Variants in COL4A3 observed in about 807,000 individuals in gnomAD.
The protein encoded by COL4A3 is collagen alpha-3(IV) chain.
A neutral mutation model predicts 217.4 loss-of-function variants in COL4A3; 135 were observed. That is an observed-to-expected ratio of 0.62 (90% CI 0.54 to 0.72). The LOEUF (loss-of-function observed/expected upper bound fraction) is 0.72, where lower values mean the gene tolerates loss of function less well. Ranked by LOEUF, COL4A3 falls within the 30% of genes least tolerant of loss-of-function variation. The pLI is 0.00. For synonymous variants in COL4A3, 690 were observed against 736.3 expected, an observed-to-expected ratio of 0.94 and a Z score of 1.02; for missense variants, 1,868 against 2,119.9, an observed-to-expected ratio of 0.88 and a Z score of 2.33.
intron 38 of COL4A3, among the ~76,000 whole-genome samples, chr2:227,293,536 T>C (rs1332046504): frequency 6.6e-6 from 1 of 152,210 alleles, no homozygotes; most frequent in Non-Finnish European, 1.5e-5. Flanking sequence ...TATGTTCCTA[T>C]AAAAAACACT....
chr2:227,185,506 C>A (rs978613347), intron 1 of COL4A3, among the ~76,000 whole-genome samples: 2 of 152,154 alleles, frequency 1.3e-5, no homozygotes, highest in African/African-American at 4.8e-5. Flanking sequence ...GTCATTACTA[C>A]TAAAAAAGCA....
chr2:227,169,987 T>G (rs1263139430), intron 1 of COL4A3, among the ~76,000 whole-genome samples: 2 of 152,224 alleles, frequency 1.3e-5, no homozygotes, highest in Non-Finnish European at 2.9e-5. Context: ...TCTTTAAATT[T>G]ATGACAGGTA....
intron 1 of COL4A3, among the ~76,000 whole-genome samples, chr2:227,226,638 T>C (rs11687610): frequency 0.23 from 35,181 of 151,908 alleles, 4,554 homozygotes; most frequent in Non-Finnish European, 0.3. Flanking sequence ...CCAAACTAAT[T>C]TTTGTATTTT....
In COL4A3 at chr2:227,253,590, A is replaced by G. The variant is rs377503376; in HGVS notation, c.717A>G (p.Gly239=). The change falls in exon 13 of 52, where the codon GGA becomes GGG. Residue 239 remains glycine (G), a synonymous_variant. Transcript: ENST00000396578. This position sits in a 1 kb window ranked among gnomAD's most constrained non-coding sequence, Gnocchi z 4.4. ...RGVKGLTGPP[G]PPGTVIVTLT... Reference sequence around the variant, plus strand: ...TGAAAGGGTTAACAGGACCCCCGGGACCACCAGGAACAGTTATTGTGACCC... The same window carrying G: ...TGAAAGGGTTAACAGGACCCCCGGGGCCACCAGGAACAGTTATTGTGACCC... 9.3e-6 allele frequency: 15 copies of G among 1,613,934 alleles called. No individual in the cohort carries two copies. Among genetic ancestry groups the G allele is most frequent in the African/African-American group, 1.3e-5 (1 of 74,910 alleles).
chr2:227,185,450 A>G (rs1349126527), intron 1 of COL4A3, among the ~76,000 whole-genome samples: 1 of 152,212 alleles, frequency 6.6e-6, no homozygotes, highest in Non-Finnish European at 1.5e-5. Flanking sequence ...TATGAGAAGA[A>G]GGGCAATTGT....
At chr2:227,255,215 G>A (rs771748719) in intron 15 of COL4A3, among the ~76,000 whole-genome samples, 5 of 152,132 alleles carry the variant, frequency 3.3e-5, no homozygotes, top group African/African-American at 4.8e-5. Context: ...AGGCCAGTGG[G>A]GCAGTGGGCT....
intron 1 of COL4A3, among the ~76,000 whole-genome samples, chr2:227,225,977 G>A (rs1193492868): frequency 1.3e-5 from 2 of 152,080 alleles, no homozygotes; most frequent in Non-Finnish European, 1.5e-5. Flanking sequence ...TTCCCAAAGT[G>A]CTGGGATTAC....
chr2:227,204,727 T>G (rs1454338826), intron 1 of COL4A3, among the ~76,000 whole-genome samples: 1 of 152,236 alleles, frequency 6.6e-6, no homozygotes, highest in Non-Finnish European at 1.5e-5. Flanking sequence ...CTTTAGCTCT[T>G]AAGCCGTTCA....
In COL4A3 at chr2:227,277,437, T is replaced by C. The variant is rs771898409; in HGVS notation, c.2021-12T>C. Reference sequence around the variant, plus strand: ...GCTGATGTGGAGATGCATATGTGTATTTGTTTCTAAGGTATCCCTGGATCC... The same window carrying C: ...GCTGATGTGGAGATGCATATGTGTACTTGTTTCTAAGGTATCCCTGGATCC... On this transcript the variant is annotated splice_polypyrimidine_tract_variant and intron_variant, in intron 27 of 51. Coordinates refer to ENST00000396578, the MANE Select transcript of COL4A3 (RefSeq NM_000091.5). 2 of 1,567,554 alleles carry C rather than the reference T, an allele frequency of 1.3e-6. No individual in the cohort carries two copies. Among genetic ancestry groups the C allele is most frequent in the Non-Finnish European group, 1.8e-6 (2 of 1,140,492 alleles).
chr2:227,309,739 T>C (rs2073667433), intron 50 of COL4A3, among the ~76,000 whole-genome samples: 1 of 152,128 alleles, frequency 6.6e-6, no homozygotes, highest in African/African-American at 2.4e-5. Flanking sequence ...GTAGCTGAGA[T>C]TGCAGGTCTG....
In COL4A3 at chr2:227,308,901, ACTCTTGGCAG is replaced by A; in HGVS notation, c.4468_4477del (p.Leu1490AlafsTer36). On this transcript the variant is annotated frameshift_variant, in exon 49 of 52. Coordinates refer to ENST00000396578, the MANE Select transcript of COL4A3 (RefSeq NM_000091.5). LOFTEE classifies it high-confidence loss of function. Reference sequence around the variant, plus strand: ...TACTCAGTCTGATGTTTCATTAGGAACTCTTGGCAGCTGCCTGCAGCGATTTACCACAATG... The same window carrying A: ...TACTCAGTCTGATGTTTCATTAGGAACTGCCTGCAGCGATTTACCACAATG... 1 of 1,613,768 alleles carries A rather than the reference ACTCTTGGCAG, an allele frequency of 6.2e-7. No individual in the cohort carries two copies. Among genetic ancestry groups the A allele is most frequent in the South Asian group, 1.1e-5 (1 of 91,082 alleles).
chr2:227,301,392 C>T (rs550009561), intron 43 of COL4A3, among the ~76,000 whole-genome samples: 19 of 152,322 alleles, frequency 1.2e-4, no homozygotes, highest in African/African-American at 4.1e-4. Flanking sequence ...ATCAGTGATG[C>T]GTAATGAGGT....
At chr2:227,289,653 T>A (rs7607651) in intron 35 of COL4A3, among the ~76,000 whole-genome samples, 1 of 152,054 alleles carries the variant, frequency 6.6e-6, no homozygotes, top group African/African-American at 2.4e-5. Flanking sequence ...CCTACAACCA[T>A]CTCAGTAACA....
rs760718271 is a variant in COL4A3 at position 227,267,094 on chromosome 2, A to T, written c.1504+6A>T. ...TGGTGTAAAAGGAATCCCAGGTACA[A>T]ACAATTTGCATGCAAGTGTTTTTGC... is the stretch of plus-strand genomic sequence containing the variant. On this transcript the variant is annotated splice_donor_region_variant and intron_variant, in intron 23 of 51. Transcript: ENST00000396578. 6.8e-6 allele frequency: 11 copies of T among 1,606,762 alleles called. No individual in the cohort carries two copies. In the Admixed American group the frequency reaches 1.8e-4, roughly 27 times the overall value.
At chr2:227,277,009 G>A (rs2071606070) in intron 27 of COL4A3, among the ~76,000 whole-genome samples, 1 of 152,152 alleles carries the variant, frequency 6.6e-6, no homozygotes, top group African/African-American at 2.4e-5. Flanking sequence ...GGGAGCATAT[G>A]ATTGGGGTTG....
At chr2:227,213,827 A>C (rs568490924) in intron 1 of COL4A3, among the ~76,000 whole-genome samples, 1 of 150,660 alleles carries the variant, frequency 6.6e-6, no homozygotes, top group Non-Finnish European at 1.5e-5. Flanking sequence ...GCGTGAACCC[A>C]GAAGACAGAA....
Position 227,298,918 on chromosome 2 carries a change from C to G in COL4A3, c.3882+106C>G, listed in dbSNP as rs1211747199. 2.7e-6 allele frequency: 3 copies of G among 1,093,540 alleles called. No homozygotes were observed. In the African/African-American group the frequency reaches 4.8e-5, roughly 17 times the overall value. The allele number at this position is 1,093,540 out of a possible 1,614,324, so 67.7% of individuals were successfully genotyped here. On this transcript the variant is annotated intron_variant, in intron 43 of 51. Transcript: ENST00000396578. ...TATTGTTGATGTTAACTGTATTAGT[C>G]CATTCTCATGATGTTAATAAAGACA...
At chr2:227,303,485 A>G (rs1207114221) in intron 44 of COL4A3, among the ~76,000 whole-genome samples, 2 of 152,228 alleles carry the variant, frequency 1.3e-5, no homozygotes, top group Non-Finnish European at 2.9e-5. Flanking sequence ...TATGACAACC[A>G]AGCAATATAA....
chr2:227,196,461 G>T (rs1395503487), intron 1 of COL4A3, among the ~76,000 whole-genome samples: 1 of 148,680 alleles, frequency 6.7e-6, no homozygotes, highest in Non-Finnish European at 1.5e-5. Flanking sequence ...GGGACTACAG[G>T]CACCGGCCAC....
Sources: gnomAD v4.1 joint callset for allele counts (sites outside exome capture counted in the v4.1 genomes callset) on GRCh38, gnomAD v4.1.1 for gene constraint, Gnocchi (gnomAD v3.1) non-coding constraint, MANE v1.5 for transcripts, NCBI Gene and HGNC (gene_info 2026-07-23, HGNC 2026-07-21) for gene names.